RAP1GAP2: variants seen among roughly 807,000 people sequenced by gnomAD.
RAP1GAP2 encodes rap1 GTPase-activating protein 2.
A neutral mutation model predicts 95.0 loss-of-function variants in RAP1GAP2; 27 were observed. That is an observed-to-expected ratio of 0.28 (90% CI 0.21 to 0.39). The LOEUF (loss-of-function observed/expected upper bound fraction) is 0.39, where lower values mean the gene tolerates loss of function less well. Among genes scored for constraint, RAP1GAP2 ranks in the 10% least tolerant of loss-of-function variants. The probability of loss-of-function intolerance (pLI) is 1.00; values close to 1 mark genes in which losing one functional copy is unlikely to be tolerated. For missense variants in RAP1GAP2, 771 were observed against 970.0 expected (o/e 0.79, Z 2.72); for synonymous variants, 373 against 380.9 (o/e 0.98, Z 0.24).
rs188331895 is a variant in RAP1GAP2 at position 2,797,432 on chromosome 17, C to A, written c.44+861C>A. Among the ~76,000 whole-genome samples, 354 of 152,110 alleles carry A rather than the reference C, an allele frequency of 2.3e-3. 1 individual carries two copies. The highest frequency in any genetic ancestry group is 8.1e-3 in the African/African-American group (335 of 41,462). On this transcript the variant is annotated intron_variant, in intron 1 of 24. Transcript: ENST00000254695. This position sits in a 1 kb window ranked among gnomAD's most constrained non-coding sequence, Gnocchi z 5.6. The stretch of plus-strand genomic sequence containing the variant: ...AACAGAGTCTGGTGGTTTTCATGAT[C>A]GGTTTCCTTTCAGTGCCTGGGCTGG...
intron 2 of RAP1GAP2, among the ~76,000 whole-genome samples, chr17:2,882,102 G>C (rs1369557064): frequency 6.7e-6 from 1 of 149,634 alleles, no homozygotes; most frequent in Non-Finnish European, 1.5e-5. Context: ...TTACAGGCAT[G>C]AGCCACTGTG....
chr17:2,991,511 G>A, intron 12 of RAP1GAP2, 114 bp downstream of exon 12: 2 of 784,278 alleles, frequency 2.6e-6, no homozygotes, highest in Non-Finnish European at 2.1e-6. Flanking sequence ...AAGAAATGAG[G>A]GATGGCTTTT....
chr17:2,867,930 G>A lies in RAP1GAP2; in HGVS notation c.81-37354G>A, dbSNP rs990898000. 1.3e-5 allele frequency among the ~76,000 whole-genome samples: 2 copies of A among 152,134 alleles called. No homozygotes were observed. Among genetic ancestry groups the A allele is most frequent in the Non-Finnish European group, 1.5e-5 (1 of 68,038 alleles). ...GCTTTCTTCTTCACGGATGCAGCTC[G>A]CGGGATCCCCAAGCCTTTGGTAGTA... On this transcript the variant is annotated intron_variant, in intron 2 of 24. Coordinates refer to ENST00000254695, the MANE Select transcript of RAP1GAP2 (RefSeq NM_015085.5). This position sits in a 1 kb window ranked among gnomAD's most constrained non-coding sequence, Gnocchi z 4.5.
intron 8 of RAP1GAP2, among the ~76,000 whole-genome samples, chr17:2,970,894 G>A (rs928836932): frequency 3.3e-5 from 5 of 152,062 alleles, no homozygotes; most frequent in Non-Finnish European, 7.4e-5. Context: ...AATTAGCTGG[G>A]TGAAGTGGCA....
intron 8 of RAP1GAP2, among the ~76,000 whole-genome samples, chr17:2,976,327 A>G (rs1347922225): frequency 6.6e-6 from 1 of 152,230 alleles, no homozygotes; most frequent in African/African-American, 2.4e-5. Flanking sequence ...TCCATGTATT[A>G]AAGTCAACAC....
At chr17:2,875,033 G>A (rs867497800) in intron 2 of RAP1GAP2, among the ~76,000 whole-genome samples, 2 of 152,148 alleles carry the variant, frequency 1.3e-5, no homozygotes, top group Admixed American at 6.5e-5. Context: ...CCTTGGGGAC[G>A]GCGCCCTTCG....
Position 2,779,160 on chromosome 17 carries a change from G to C in RAP1GAP2, c.-14+1882G>C, listed in dbSNP as rs868296264. Among the ~76,000 whole-genome samples the C allele has an allele frequency of 2.0e-5, 3 of 152,220 alleles. No homozygotes were observed. The East Asian group carries it at 5.8e-4, about 29-fold the overall frequency. ...CATTGCAGAAGTGTTTGGAGTGAGAGGTGGGGCCAAGAGGGCTGGAAGCAG... is the reference window on the plus strand; with the variant it reads ...CATTGCAGAAGTGTTTGGAGTGAGACGTGGGGCCAAGAGGGCTGGAAGCAG... On this transcript the variant is annotated intron_variant, in intron 1 of 24. Coordinates refer to the RAP1GAP2 transcript ENST00000540393.
intron 2 of RAP1GAP2, among the ~76,000 whole-genome samples, chr17:2,875,393 G>A (rs1449096972): frequency 1.3e-5 from 2 of 152,154 alleles, no homozygotes; most frequent in Non-Finnish European, 2.9e-5. Context: ...AGGCAAAGGG[G>A]ACAGGGAGTG....
intron 13 of RAP1GAP2, among the ~76,000 whole-genome samples, chr17:2,997,978 C>T (rs2046024667): frequency 6.6e-6 from 1 of 151,802 alleles, no homozygotes; most frequent in Non-Finnish European, 1.5e-5. Flanking sequence ...CCTGGTTTTC[C>T]CCAAATAGGA....
chr17:2,980,380 CG>C lies in RAP1GAP2; in HGVS notation c.675+16del. On this transcript the variant is annotated intron_variant, in intron 9 of 24. Transcript: ENST00000254695. Reference sequence around the variant, plus strand: ...AGATTGCAAAGGTGAGAAACCAACCCGTGAGAGATGGTGGCTTCCTCTCTCA... The same window carrying C: ...AGATTGCAAAGGTGAGAAACCAACCCTGAGAGATGGTGGCTTCCTCTCTCA... 2 of 1,612,850 alleles carry C rather than the reference CG, an allele frequency of 1.2e-6. No homozygotes were observed. The highest frequency in any genetic ancestry group is 1.7e-6 in the Non-Finnish European group (2 of 1,178,918).
intron 17 of RAP1GAP2, among the ~76,000 whole-genome samples, chr17:3,009,425 A>G (rs7207487): frequency 0.52 from 78,904 of 152,068 alleles, 20,697 homozygotes; most frequent in Middle Eastern, 0.66. Flanking sequence ...TAATAATGAT[A>G]GGCATAGTAT....
intron 4 of RAP1GAP2, among the ~76,000 whole-genome samples, chr17:2,959,536 C>T (rs1376278204): frequency 6.6e-6 from 1 of 152,174 alleles, no homozygotes; most frequent in East Asian, 1.9e-4. Flanking sequence ...GGAGTGCCCG[C>T]GTGGGCCTTG....
At chr17:2,889,504 C>T (rs950218853) in intron 2 of RAP1GAP2, among the ~76,000 whole-genome samples, 2 of 151,776 alleles carry the variant, frequency 1.3e-5, no homozygotes, top group Non-Finnish European at 2.9e-5. Flanking sequence ...CAGTGGAGCT[C>T]CCGGCGGCTG....
intron 3 of RAP1GAP2, among the ~76,000 whole-genome samples, chr17:2,929,932 C>T (rs533569959): frequency 3.9e-5 from 6 of 152,014 alleles, no homozygotes; most frequent in African/African-American, 1.4e-4. Flanking sequence ...CAGGCCTCGG[C>T]GGGGGGCAGG....
rs770893593 is a variant in RAP1GAP2, at chr17:2,998,387, C to T, written c.1200+11C>T. On this transcript the variant is annotated intron_variant, in intron 14 of 24. Coordinates refer to ENST00000254695, the MANE Select transcript of RAP1GAP2 (RefSeq NM_015085.5). Reference sequence around the variant, plus strand: ...ACCCCATCCTACAAGGTAAGGAGAACGCCTTGTTGGAGGGAGTGGTGGGCC... The same window carrying T: ...ACCCCATCCTACAAGGTAAGGAGAATGCCTTGTTGGAGGGAGTGGTGGGCC... 1.3e-5 allele frequency: 21 copies of T among 1,612,958 alleles called. No homozygotes were observed. The highest frequency in any genetic ancestry group is 6.7e-5 in the Admixed American group (4 of 59,982).
chr17:2,771,783 C>T (rs1383835874), intron 2 of RAP1GAP2, among the ~76,000 whole-genome samples: 8 of 152,142 alleles, frequency 5.3e-5, no homozygotes, highest in African/African-American at 1.7e-4. Flanking sequence ...AGCCACTGTG[C>T]CCGGCCACAT....
chr17:2,922,774 C>T (rs1035023586), intron 3 of RAP1GAP2, among the ~76,000 whole-genome samples: 10 of 151,856 alleles, frequency 6.6e-5, no homozygotes, highest in Admixed American at 5.9e-4. Flanking sequence ...ATTGATTGAT[C>T]CAGCCTTAAG....
chr17:3,001,966 T>TC (rs914267644), intron 14 of RAP1GAP2, among the ~76,000 whole-genome samples: 3 of 136,966 alleles, frequency 2.2e-5, no homozygotes, highest in South Asian at 2.4e-4. Flanking sequence ...ACTCTTCTTC[T>TC]CCTTTTTTTT....
At chr17:2,905,783 T>C (rs116367420) in intron 3 of RAP1GAP2, among the ~76,000 whole-genome samples, 1,948 of 152,296 alleles carry the variant, frequency 0.013, 51 homozygotes, top group African/African-American at 0.044. Context: ...GAGCTGGGCC[T>C]GTTCACGGCA....
Sources: allele counts gnomAD v4.1 joint callset (sites outside exome capture counted in the v4.1 genomes callset), GRCh38; gene constraint gnomAD v4.1.1; non-coding constraint Gnocchi (gnomAD v3.1); transcripts MANE v1.5; gene names NCBI Gene and HGNC (gene_info 2026-07-23, HGNC 2026-07-21).